Variants in ARID1A observed in about 807,000 individuals in gnomAD.
ARID1A encodes the protein AT-rich interaction domain 1A, also known as AT-rich interactive domain-containing protein 1A.
Under a neutral mutation model 212.6 loss-of-function variants are expected in ARID1A, and 20 were observed. The ratio of observed to expected loss-of-function variants is 0.09; its 90% CI spans 0.07 to 0.14. ARID1A has a LOEUF of 0.14. Among genes scored for constraint, ARID1A ranks in the 10% least tolerant of loss-of-function variants. ARID1A has a pLI of 1.00. For missense variants in ARID1A, 2,587 were observed against 3,059.0 expected (o/e 0.85, Z 3.64); for synonymous variants, 1,376 against 1,222.1 (o/e 1.13, Z -2.63).
In ARID1A at chr1:26,780,592, C is replaced by T. The variant is rs752164675; in HGVS notation, c.6694C>T (p.Arg2232Trp). 3 of 1,613,912 alleles carry T rather than the reference C, an allele frequency of 1.9e-6. No homozygotes were observed. Among genetic ancestry groups the T allele is most frequent in the Non-Finnish European group, 2.5e-6 (3 of 1,179,974 alleles). Residue 2232 changes from arginine (R) to tryptophan (W), a missense_variant, in exon 20 of 20, where the codon CGG becomes TGG. This residue lies in a region of ARID1A where 16 missense variants were observed against 33.2 expected (regional missense o/e 0.48). Transcript: ENST00000324856. This position sits in a 1 kb window ranked among gnomAD's most constrained non-coding sequence, Gnocchi z 7.2. ...TGAGCCAACTAGTGTGGACATGATG[C>T]GGCGGGCTGCCCGCGCGCTGCTTGC... ...PFEPTSVDMM[R>W]RAARALLALA... is the part of the protein sequence containing the mutation.
At chr1:26,719,514 T>A (rs984177320) in intron 1 of ARID1A, among the ~76,000 whole-genome samples, 2 of 152,248 alleles carry the variant, frequency 1.3e-5, no homozygotes, top group Admixed American at 6.5e-5. Flanking sequence ...CACATACTTA[T>A]CGTTTGAACT....
intron 1 of ARID1A, among the ~76,000 whole-genome samples, chr1:26,711,303 A>C (rs1398452433): frequency 6.6e-6 from 1 of 151,890 alleles, no homozygotes; most frequent in Non-Finnish European, 1.5e-5. Flanking sequence ...TATATTTTTT[A>C]GTAGAGACGA....
Position 26,696,769 on chromosome 1 carries a change from C to G in ARID1A, c.366C>G (p.Gly122=). 1 of 1,346,330 alleles carries G rather than the reference C, an allele frequency of 7.4e-7. No individual in the cohort carries two copies. The highest frequency in any genetic ancestry group is 9.5e-7 in the Non-Finnish European group (1 of 1,053,610). The allele number at this position is 1,346,330 out of a possible 1,614,324, so 83.4% of individuals were successfully genotyped here. Residue 122 remains glycine, a synonymous_variant, in exon 1 of 20, where the codon GGC becomes GGG. Coordinates refer to ENST00000324856, the MANE Select transcript of ARID1A (RefSeq NM_006015.6). ...ALNNNLTEPP[G]GGGGGSSDGV... is the part of the protein sequence containing the mutation. ...ACAATAACCTCACGGAGCCGCCCGG[C>G]GGCGGCGGTGGCGGCAGCAGCGATG...
At chr1:26,700,008 C>T (rs1355099025) in intron 1 of ARID1A, among the ~76,000 whole-genome samples, 1 of 152,176 alleles carries the variant, frequency 6.6e-6, no homozygotes, top group African/African-American at 2.4e-5. Context: ...TTTATTATCA[C>T]TAGACCCACA....
chr1:26,772,341 A>C (rs1215854293), intron 12 of ARID1A, 159 bp from the exon 13 acceptor site: 1 of 1,050,950 alleles, frequency 9.5e-7, no homozygotes, highest in African/African-American at 1.6e-5. Context: ...TCCCGTCTTT[A>C]TGACCTGGCC....
Position 26,779,594 on chromosome 1 carries a change from C to A in ARID1A, c.5696C>A (p.Pro1899His), listed in dbSNP as rs1570621922. ...ACAACAGACCAGGAGGGGCCCCCAC[C>A]TGATGGACCTCCAGAAAAACGGATC... ...PGTTDQEGPP[P>H]DGPPEKRITA... The change falls in exon 20 of 20, where the codon CCT (proline) becomes CAT (histidine). Residue 1899 changes from proline to histidine, a missense_variant. This residue lies in a region of ARID1A where 890 missense variants were observed against 1,098.2 expected (regional missense o/e 0.81). Transcript: ENST00000324856. 6.2e-7 allele frequency: 1 copy of A among 1,614,176 alleles called. No homozygotes were observed. Among genetic ancestry groups the A allele is most frequent in the Non-Finnish European group, 8.5e-7 (1 of 1,180,044 alleles).
chr1:26,770,722 C>T lies in ARID1A; in HGVS notation c.3199-397C>T, dbSNP rs186013112. On this transcript the variant is annotated intron_variant, in intron 11 of 19. Coordinates refer to ENST00000324856, the MANE Select transcript of ARID1A (RefSeq NM_006015.6). The stretch of plus-strand genomic sequence containing the variant: ...ACAGCGAGCCAAGATCACGCCACTG[C>T]ACTCCAGCCTAGGCGACAGAGCGAG... 8.8e-4 allele frequency: 172 copies of T among 194,384 alleles called. 1 individual carries two copies. The highest frequency in any genetic ancestry group is 3.8e-3 in the African/African-American group (158 of 42,012). The allele number at this position is 194,384 out of a possible 1,614,324, so 12.0% of individuals were successfully genotyped here. A position where few individuals can be genotyped will look rare whatever the true frequency, so the allele number is the denominator to read the frequency against.
Position 26,774,570 on chromosome 1 carries a change from C to T in ARID1A, c.4343C>T (p.Ala1448Val), listed in dbSNP as rs1398941607. The change falls in exon 18 of 20, where the codon GCA (alanine) becomes GTA (valine). Residue 1448 changes from alanine (A) to valine (V), a missense_variant. Coordinates refer to ENST00000324856, the MANE Select transcript of ARID1A (RefSeq NM_006015.6). The surrounding 1 kb of genome is among the most constrained non-coding windows in gnomAD (Gnocchi z 5.6). The part of the protein sequence containing the change: ...TATAATERRP[A>V]GGPQNQFPFQ... Reference sequence around the variant, plus strand: ...ACAGCTGCTACTGAGCGCCGACCAGCAGGCGGCCCCCAGAACCAATTTCCA... The same window carrying T: ...ACAGCTGCTACTGAGCGCCGACCAGTAGGCGGCCCCCAGAACCAATTTCCA... The T allele has an allele frequency of 1.2e-6, 2 of 1,614,098 alleles. No homozygotes were observed. Among genetic ancestry groups the T allele is most frequent in the Non-Finnish European group, 1.7e-6 (2 of 1,180,030 alleles).
rs759345052 is a variant in ARID1A, at chr1:26,697,379, G to T, written c.976G>T (p.Gly326Cys). The change falls in exon 1 of 20, where the codon GGC becomes TGC. Residue 326 changes from glycine to cysteine, a missense_variant. Around this residue, in one of 11 missense-constraint regions of ARID1A, gnomAD observed 735 missense variants for 590.6 expected, o/e 1.24. Transcript: ENST00000324856. The part of the protein sequence containing the change: ...YSGGPQDGGA[G>C]KGPADMASQC... ...TGGCGGGCCCCAGGACGGGGGCGCCGGCAAGGGCCCGGCGGACATGGCCTC... is the reference window on the plus strand; with the variant it reads ...TGGCGGGCCCCAGGACGGGGGCGCCTGCAAGGGCCCGGCGGACATGGCCTC... The T allele has an allele frequency of 8.4e-6, 11 of 1,315,624 alleles. No individual in the cohort carries two copies. Among genetic ancestry groups the T allele is most frequent in the Non-Finnish European group, 1.1e-5 (11 of 1,039,534 alleles). The allele number at this position is 1,315,624 out of a possible 1,614,324, so 81.5% of individuals were successfully genotyped here.
At chr1:26,736,963 A>T (rs1311626227) in intron 4 of ARID1A, among the ~76,000 whole-genome samples, 2 of 152,018 alleles carry the variant, frequency 1.3e-5, no homozygotes, top group African/African-American at 4.8e-5. Context: ...TATAAAGAAC[A>T]GTTCAGTACC....
chr1:26,760,918 G>A lies in ARID1A; in HGVS notation c.1983G>A (p.Val661=), dbSNP rs2124054603. The change falls in exon 5 of 20, where the codon GTG becomes GTA. Residue 661 remains valine (V), a synonymous_variant. Coordinates refer to ENST00000324856, the MANE Select transcript of ARID1A (RefSeq NM_006015.6). ...MGTEGALSPG[V]STSGISSSQG... ...CAGAAGGAGCTCTGAGTCCTGGAGT[G>A]AGCACATCAGGGATTTCCAGCAGCC... is the stretch of plus-strand genomic sequence containing the variant. 6.2e-7 allele frequency: 1 copy of A among 1,614,106 alleles called. No individual in the cohort carries two copies. Among genetic ancestry groups the A allele is most frequent in the Non-Finnish European group, 8.5e-7 (1 of 1,180,028 alleles).
chr1:26,700,772 T>C (rs1297280692), intron 1 of ARID1A, among the ~76,000 whole-genome samples: 1 of 152,244 alleles, frequency 6.6e-6, no homozygotes, highest in East Asian at 1.9e-4. Flanking sequence ...GCAGAAATTC[T>C]AGGCTGGCTG....
intron 1 of ARID1A, among the ~76,000 whole-genome samples, chr1:26,714,050 G>T (rs2080478535): frequency 6.6e-6 from 1 of 152,240 alleles, no homozygotes; most frequent in Non-Finnish European, 1.5e-5. Context: ...ATCATAGACT[G>T]TGAAGTGGTT....
rs756504280 is a variant in ARID1A, at chr1:26,697,180, C to T, written c.777C>T (p.Ala259=). The stretch of plus-strand genomic sequence containing the variant: ...CGCCTCCCTCCTCCAGCGCCTCCGC[C>T]TCCTCGTCGTCTTCGTCCTTCGCTC... ...SKPPPSSSAS[A]SSSSSSFAQQ... The change falls in exon 1 of 20, where the codon GCC becomes GCT. Residue 259 remains alanine (A), a synonymous_variant. Transcript: ENST00000324856. 3 of 1,431,456 alleles carry T rather than the reference C, an allele frequency of 2.1e-6. No homozygotes were observed. Among genetic ancestry groups the T allele is most frequent in the Non-Finnish European group, 2.7e-6 (3 of 1,098,068 alleles). 88.7% of individuals were successfully genotyped at this position (1,431,456 alleles called of 1,614,324 possible).
At chr1:26,756,601 A>T (rs1475043752) in intron 4 of ARID1A, among the ~76,000 whole-genome samples, 1 of 151,848 alleles carries the variant, frequency 6.6e-6, no homozygotes, top group Non-Finnish European at 1.5e-5. Context: ...CACAAAAAAA[A>T]ACCCACAAAG....
intron 1 of ARID1A, among the ~76,000 whole-genome samples, chr1:26,725,025 A>G (rs910490163): frequency 8.6e-5 from 13 of 151,886 alleles, no homozygotes; most frequent in Non-Finnish European, 1.3e-4. Flanking sequence ...GAGAGTATAT[A>G]GCAGGGGGCC....
intron 1 of ARID1A, among the ~76,000 whole-genome samples, chr1:26,720,258 A>AT: frequency 6.6e-6 from 1 of 152,022 alleles, no homozygotes; most frequent in African/African-American, 2.4e-5. Context: ...CGAAAAAAAA[A>AT]AAAAAGGTAC....
intron 1 of ARID1A, among the ~76,000 whole-genome samples, chr1:26,708,920 C>G (rs1487872608): frequency 2.0e-5 from 3 of 151,946 alleles, no homozygotes; most frequent in Non-Finnish European, 4.4e-5. Flanking sequence ...TGGTCTCGGT[C>G]TGCTGATCTC....
chr1:26,739,639 A>G (rs1027935245), intron 4 of ARID1A, among the ~76,000 whole-genome samples: 2 of 152,182 alleles, frequency 1.3e-5, no homozygotes, highest in African/African-American at 4.8e-5. Context: ...AAGAGACTTG[A>G]AAGAAACTAG....
Sources: allele counts gnomAD v4.1 joint callset (sites outside exome capture counted in the v4.1 genomes callset), GRCh38; gene constraint gnomAD v4.1.1; regional missense constraint gnomAD v4.1.1; non-coding constraint Gnocchi (gnomAD v3.1); transcripts MANE v1.5; gene names NCBI Gene and HGNC (gene_info 2026-07-23, HGNC 2026-07-21).